CPPED1: variants seen among roughly 807,000 people sequenced by gnomAD.
The protein encoded by CPPED1 is calcineurin like phosphoesterase domain containing 1, also known as serine/threonine-protein phosphatase CPPED1.
Under a neutral mutation model 28.0 loss-of-function variants are expected in CPPED1, and 28 were observed. The observed-to-expected ratio is 1.00, with a 90% CI of 0.74 to 1.37. CPPED1 has a LOEUF of 1.37. Ranked by LOEUF, CPPED1 falls within the 40% of genes most tolerant of loss-of-function variation. The pLI is 0.00. For missense variants in CPPED1, 504 were observed against 416.5 expected (o/e 1.21, Z -1.83); for synonymous variants, 198 against 180.2 (o/e 1.10, Z -0.79).
intron 2 of CPPED1, among the ~76,000 whole-genome samples, chr16:12,745,611 G>T (rs1319914983): frequency 6.6e-6 from 1 of 152,220 alleles, no homozygotes; most frequent in African/African-American, 2.4e-5. Context: ...TTATAAGTGG[G>T]AATTAAATGA....
Position 12,682,355 on chromosome 16 carries a change from T to TG in CPPED1, c.716-17241dup, listed in dbSNP as rs1363988060. ...CCAGCCCCTTTATTACTTTTCTACA[T>TG]GGGGGGCTATGCTCAACTTTTTATT... On this transcript the variant is annotated intron_variant, in intron 3 of 3. Transcript: ENST00000381774. The surrounding 1 kb of genome is among the most constrained non-coding windows in gnomAD (Gnocchi z 6.1). Among the ~76,000 whole-genome samples, 2 of 152,126 alleles carry TG rather than the reference T, an allele frequency of 1.3e-5. No individual in the cohort carries two copies. Among genetic ancestry groups the TG allele is most frequent in the Non-Finnish European group, 2.9e-5 (2 of 68,010 alleles).
chr16:12,697,669 G>A (rs985667440), intron 3 of CPPED1, among the ~76,000 whole-genome samples: 1 of 152,182 alleles, frequency 6.6e-6, no homozygotes, highest in Non-Finnish European at 1.5e-5. Flanking sequence ...TTGGAACACT[G>A]CACTGTCTGT....
At chr16:12,722,677 C>T (rs2080147829) in intron 2 of CPPED1, among the ~76,000 whole-genome samples, 1 of 152,128 alleles carries the variant, frequency 6.6e-6, no homozygotes, top group Non-Finnish European at 1.5e-5. Flanking sequence ...AGTGAGCTGT[C>T]ATTGCACCAC....
chr16:12,780,349 T>C (rs2080522615), intron 2 of CPPED1, among the ~76,000 whole-genome samples: 2 of 152,106 alleles, frequency 1.3e-5, no homozygotes, highest in Non-Finnish European at 2.9e-5. Context: ...CTAATTTTTG[T>C]ATTTTTAGTA....
At chr16:12,677,048 G>A (rs905450030) in intron 3 of CPPED1, among the ~76,000 whole-genome samples, 19 of 152,160 alleles carry the variant, frequency 1.2e-4, no homozygotes, top group African/African-American at 3.4e-4. Flanking sequence ...TATCACGAGC[G>A]AGTGAAGAGA....
intron 2 of CPPED1, among the ~76,000 whole-genome samples, chr16:12,723,729 C>A (rs1048833325): frequency 2.6e-5 from 4 of 152,194 alleles, no homozygotes; most frequent in African/African-American, 9.7e-5. Flanking sequence ...GTCGGAGCAG[C>A]TGTGCTTCTC....
At chr16:12,787,430 GA>G (rs2080570751) in intron 1 of CPPED1, among the ~76,000 whole-genome samples, 1 of 146,296 alleles carries the variant, frequency 6.8e-6, no homozygotes, top group Non-Finnish European at 1.5e-5. Context: ...TTTTGAGATG[GA>G]GTCTCACTCT....
chr16:12,795,639 C>G (rs1364617257), intron 1 of CPPED1, among the ~76,000 whole-genome samples: 1 of 152,180 alleles, frequency 6.6e-6, no homozygotes, highest in Non-Finnish European at 1.5e-5. Flanking sequence ...TGTACCCAGC[C>G]AACAACTTCT....
intron 2 of CPPED1, 164 bp downstream of exon 2, chr16:12,781,021 T>C (rs1408450498): frequency 1.6e-6 from 1 of 619,702 alleles, no homozygotes; most frequent in Non-Finnish European, 2.9e-6. Flanking sequence ...ATAACATGAG[T>C]GTGCACTTTC....
chr16:12,703,538 C>G (rs1255530417), intron 3 of CPPED1, among the ~76,000 whole-genome samples: 1 of 152,024 alleles, frequency 6.6e-6, no homozygotes, highest in Non-Finnish European at 1.5e-5. Flanking sequence ...AAAAATTAGC[C>G]AGGCGTGGTG....
intron 3 of CPPED1, among the ~76,000 whole-genome samples, chr16:12,690,866 A>G (rs2079958976): frequency 6.6e-6 from 1 of 152,172 alleles, no homozygotes; most frequent in Non-Finnish European, 1.5e-5. Flanking sequence ...CCCTTTGGAT[A>G]TCCCAGTGCT....
At chr16:12,705,626 C>T (rs12448828) in intron 2 of CPPED1, among the ~76,000 whole-genome samples, 1,992 of 152,224 alleles carry the variant, frequency 0.013, 27 homozygotes, top group Middle Eastern at 0.031. Flanking sequence ...GGCATGGGCA[C>T]GGGCACCTGT....
chr16:12,741,091 C>A (rs2080252846), intron 2 of CPPED1, among the ~76,000 whole-genome samples: 1 of 152,106 alleles, frequency 6.6e-6, no homozygotes, highest in African/African-American at 2.4e-5. Context: ...CCCGACATAG[C>A]AATATAATGG....
chr16:12,723,639 G>A (rs1031462353), intron 2 of CPPED1, among the ~76,000 whole-genome samples: 1 of 152,202 alleles, frequency 6.6e-6, no homozygotes, highest in Admixed American at 6.5e-5. Flanking sequence ...AATTTCTGCT[G>A]TGTATACCCC....
Position 12,682,751 on chromosome 16 carries a change from CAGA to C in CPPED1, c.716-17639_716-17637del, listed in dbSNP as rs1245362216. Among the ~76,000 whole-genome samples the C allele has an allele frequency of 6.6e-6, 1 of 152,218 alleles. No homozygotes were observed. The highest frequency in any genetic ancestry group is 6.5e-5 in the Admixed American group (1 of 15,280). On this transcript the variant is annotated intron_variant, in intron 3 of 3. Coordinates refer to ENST00000381774, the MANE Select transcript of CPPED1 (RefSeq NM_018340.3). This position sits in a 1 kb window ranked among gnomAD's most constrained non-coding sequence, Gnocchi z 6.1. ...TCTCATCCTTCTCTAAGTATCTGATCAGAAGATCTTTTTCTTTTCATTTGCACA... is the reference window on the plus strand; with the variant it reads ...TCTCATCCTTCTCTAAGTATCTGATCAGATCTTTTTCTTTTCATTTGCACA...
chr16:12,784,349 T>G (rs916212107), intron 1 of CPPED1, among the ~76,000 whole-genome samples: 1 of 152,170 alleles, frequency 6.6e-6, no homozygotes, highest in Non-Finnish European at 1.5e-5. Flanking sequence ...GACTGAAGCC[T>G]TATAAGACTC....
At chr16:12,781,443 TA>T in intron 1 of CPPED1, 40 bp from the exon 2 acceptor site, 2 of 1,584,400 alleles carry the variant, frequency 1.3e-6, no homozygotes, top group Non-Finnish European at 8.6e-7. Context: ...AGAAATCTTG[TA>T]AAATCTGTCA....
intron 2 of CPPED1, among the ~76,000 whole-genome samples, chr16:12,737,387 G>C (rs2080232257): frequency 6.6e-6 from 1 of 152,066 alleles, no homozygotes; most frequent in Non-Finnish European, 1.5e-5. Flanking sequence ...AATGTGAAAA[G>C]GACACAGAGG....
At chr16:12,685,566 G>A (rs995576110) in intron 3 of CPPED1, among the ~76,000 whole-genome samples, 6 of 152,286 alleles carry the variant, frequency 3.9e-5, no homozygotes, top group East Asian at 1.9e-4. Context: ...ACTGCATGCC[G>A]GGGACCTGAT....
Sources: gnomAD v4.1 joint callset for allele counts (sites outside exome capture counted in the v4.1 genomes callset) on GRCh38, gnomAD v4.1.1 for gene constraint, Gnocchi (gnomAD v3.1) non-coding constraint, MANE v1.5 for transcripts, NCBI Gene and HGNC (gene_info 2026-07-23, HGNC 2026-07-21) for gene names.